Variants in EYS observed in about 807,000 individuals in gnomAD.
EYS encodes EGF-like photoreceptor maintenance factor.
EYS carries 250 observed loss-of-function variants against 282.1 expected under a neutral mutation model. The ratio of observed to expected loss-of-function variants is 0.89; its 90% CI spans 0.80 to 0.98. The LOEUF (loss-of-function observed/expected upper bound fraction) is 0.98. EYS is among the 50% of genes least tolerant of loss of function. The pLI, the probability that EYS is intolerant of heterozygous loss-of-function variation, is 0.00. For missense variants in EYS, 4,016 were observed against 3,709.0 expected, an observed-to-expected ratio of 1.08 and a Z score of -2.15; for synonymous variants, 1,355 against 1,282.9, an observed-to-expected ratio of 1.06 and a Z score of -1.20.
intron 2 of EYS, among the ~76,000 whole-genome samples, chr6:65,599,282 T>C (rs1765530570): frequency 6.6e-6 from 1 of 152,138 alleles, no homozygotes; most frequent in South Asian, 2.1e-4. Flanking sequence ...TGTTCAACGG[T>C]AAACTGTATA....
intron 30 of EYS, among the ~76,000 whole-genome samples, chr6:64,254,043 G>C (rs1767311681): frequency 6.6e-6 from 1 of 152,032 alleles, no homozygotes; most frequent in South Asian, 2.1e-4. Context: ...TATTTTCTAG[G>C]AAATCTGGTA....
At chr6:64,392,522 T>C (rs1773191961) in intron 28 of EYS, among the ~76,000 whole-genome samples, 1 of 151,796 alleles carries the variant, frequency 6.6e-6, no homozygotes, top group Non-Finnish European at 1.5e-5. Context: ...TGCTCCTGAA[T>C]GACTACTGGG....
Position 64,898,875 on chromosome 6 carries a change from G to A in EYS, c.2846+3238C>T, listed in dbSNP as rs146264005. ...AAGACAAAGAAGGGCATTACATAAC[G>A]GTAAAGGGATCAAGGCAACAAGAAG... On this transcript the variant is annotated intron_variant, in intron 18 of 42. Coordinates refer to ENST00000503581, the MANE Select transcript of EYS (RefSeq NM_001142800.2). Among the ~76,000 whole-genome samples the A allele has an allele frequency of 4.4e-3, 670 of 151,666 alleles. 6 individuals carry two copies. The highest frequency in any genetic ancestry group is 0.015 in the African/African-American group (627 of 41,314).
At chr6:64,905,153 C>G (rs1474540647) in intron 16 of EYS, among the ~76,000 whole-genome samples, 2 of 152,174 alleles carry the variant, frequency 1.3e-5, no homozygotes, top group Admixed American at 1.3e-4. Flanking sequence ...TTAGGGCACT[C>G]TATGTTGTTC....
intron 36 of EYS, among the ~76,000 whole-genome samples, chr6:63,826,845 C>CAAAAAAAAAAAAAAAAAAAGAAAAAAAG (rs1771478105): frequency 9.1e-5 from 7 of 76,762 alleles, no homozygotes; most frequent in Admixed American, 1.4e-4. Context: ...AGTTAAAAAG[C>CAAAAAAAAAAAAAAAAAAAGAAAAAAAG]AAAAAAAAAA....
rs371140447 is a variant in EYS, at chr6:64,076,712, T to G, written c.6571+5144A>C. Among the ~76,000 whole-genome samples, 3 of 152,074 alleles carry G rather than the reference T, an allele frequency of 2.0e-5. No homozygotes were observed. The East Asian group carries it at 5.8e-4, about 29-fold the overall frequency. On this transcript the variant is annotated intron_variant, in intron 32 of 42. Transcript: ENST00000503581. The stretch of plus-strand genomic sequence containing the variant: ...CAGCCCCGTGGAACTGTGAGTCCAT[T>G]AAACCTCTTCTTCTTTATAATTTAC...
At chr6:63,984,698 A>G in intron 34 of EYS, 95 bp from the exon 35 acceptor site, 1 of 1,014,646 alleles carries the variant, frequency 9.9e-7, no homozygotes, top group Non-Finnish European at 1.5e-6. Flanking sequence ...GATGTGTTTT[A>G]ATGTGTTTTT....
intron 5 of EYS, among the ~76,000 whole-genome samples, chr6:65,409,203 C>G (rs1337283812): frequency 1.3e-5 from 2 of 152,148 alleles, no homozygotes; most frequent in African/African-American, 4.8e-5. Context: ...GCAAGTGCCT[C>G]TTTAAACTTG....
chr6:64,487,376 T>C (rs1393990742), intron 26 of EYS, among the ~76,000 whole-genome samples: 2 of 151,120 alleles, frequency 1.3e-5, no homozygotes, highest in Non-Finnish European at 3.0e-5. Flanking sequence ...AAAATGGTAA[T>C]GATATATGCA....
chr6:65,182,029 A>T (rs913337771), intron 12 of EYS, among the ~76,000 whole-genome samples: 2 of 151,852 alleles, frequency 1.3e-5, no homozygotes, highest in Admixed American at 6.6e-5. Context: ...GGACACAGGA[A>T]GGGGAACATC....
At chr6:64,327,460 G>C (rs1010974590) in intron 29 of EYS, among the ~76,000 whole-genome samples, 4 of 152,148 alleles carry the variant, frequency 2.6e-5, no homozygotes, top group African/African-American at 9.7e-5. Flanking sequence ...TTGTGAGATA[G>C]ACCGGCCATC....
At chr6:65,650,960 A>G (rs1207567509) in intron 1 of EYS, among the ~76,000 whole-genome samples, 1 of 152,164 alleles carries the variant, frequency 6.6e-6, no homozygotes, top group African/African-American at 2.4e-5. Flanking sequence ...AGTTTGCTTC[A>G]GAGAGTTGAG....
intron 36 of EYS, among the ~76,000 whole-genome samples, chr6:63,834,554 C>T (rs1003829121): frequency 2.0e-5 from 3 of 151,174 alleles, no homozygotes; most frequent in African/African-American, 7.4e-5. Context: ...CAGGAAACAA[C>T]AGATGCTGGA....
intron 22 of EYS, among the ~76,000 whole-genome samples, chr6:64,675,240 C>A: frequency 6.6e-6 from 1 of 152,094 alleles, no homozygotes; most frequent in South Asian, 2.1e-4. Context: ...TACACTCCTA[C>A]ACTCGGTATC....
intron 28 of EYS, among the ~76,000 whole-genome samples, chr6:64,430,601 C>T (rs983110696): frequency 1.3e-5 from 2 of 152,044 alleles, no homozygotes; most frequent in Non-Finnish European, 2.9e-5. Flanking sequence ...TGCTTTTATC[C>T]TAAAGGTAGA....
Position 64,415,406 on chromosome 6 carries a change from T to C in EYS, c.5927+20768A>G, listed in dbSNP as rs564549104. Among the ~76,000 whole-genome samples, 5 of 152,212 alleles carry C rather than the reference T, an allele frequency of 3.3e-5. No homozygotes were observed. In the South Asian group the frequency reaches 1.0e-3, roughly 31 times the overall value. ...CAATAAATGTTTTATTCAAACTGCA[T>C]CTATGTAGCTTCCCAGTCATGGCAT... is the stretch of plus-strand genomic sequence containing the variant. On this transcript the variant is annotated intron_variant, in intron 28 of 42. Transcript: ENST00000503581.
intron 13 of EYS, among the ~76,000 whole-genome samples, chr6:65,034,577 T>A (rs775837678): frequency 2.6e-5 from 4 of 152,100 alleles, no homozygotes; most frequent in Non-Finnish European, 4.4e-5. Flanking sequence ...CTCTCCATAT[T>A]GTTTGCTCCT....
At chr6:63,787,526 C>T (rs1582207019) in intron 39 of EYS, among the ~76,000 whole-genome samples, 1 of 152,194 alleles carries the variant, frequency 6.6e-6, no homozygotes, top group South Asian at 2.1e-4. Flanking sequence ...GAACTTATCA[C>T]ATTATATGAC....
intron 14 of EYS, among the ~76,000 whole-genome samples, chr6:64,963,046 T>G (rs900109550): frequency 6.6e-6 from 1 of 152,196 alleles, no homozygotes; most frequent in Non-Finnish European, 1.5e-5. Flanking sequence ...GATATGCATA[T>G]GAATGTGTGC....
Sources: gnomAD v4.1 joint callset for allele counts (sites outside exome capture counted in the v4.1 genomes callset) on GRCh38, gnomAD v4.1.1 for gene constraint, MANE v1.5 for transcripts, NCBI Gene and HGNC (gene_info 2026-07-23, HGNC 2026-07-21) for gene names.